Variants in GABPB1 observed in about 807,000 individuals in gnomAD.
The protein encoded by GABPB1 is GA binding protein transcription factor subunit beta 1, also known as GA-binding protein subunit beta-1.
A neutral mutation model predicts 45.9 loss-of-function variants in GABPB1; 15 were observed. That is an observed-to-expected ratio of 0.33 (90% confidence interval 0.22 to 0.50). The LOEUF is 0.50. GABPB1 is among the 20% of genes least tolerant of loss of function. The pLI, the probability that GABPB1 is intolerant of heterozygous loss-of-function variation, is 0.98. For missense variants in GABPB1, 252 were observed against 457.5 expected (o/e 0.55, Z 4.10); for synonymous variants, 143 against 154.4 (o/e 0.93, Z 0.55).
chr15:50,293,002 ATT>A (rs1002078040), intron 6 of GABPB1, among the ~76,000 whole-genome samples: 1 of 151,904 alleles, frequency 6.6e-6, no homozygotes, highest in Non-Finnish European at 1.5e-5. Flanking sequence ...TAAAAAAAAA[ATT>A]ATAACTAGTT....
At chr15:50,324,877 G>C (rs1014493498) in intron 1 of GABPB1, among the ~76,000 whole-genome samples, 9 of 151,972 alleles carry the variant, frequency 5.9e-5, no homozygotes, top group African/African-American at 2.2e-4. Context: ...CACAAGTTAA[G>C]GTTATAGTAC....
At chr15:50,289,210 G>A (rs2046264114) in intron 7 of GABPB1, among the ~76,000 whole-genome samples, 1 of 151,982 alleles carries the variant, frequency 6.6e-6, no homozygotes, top group Non-Finnish European at 1.5e-5. Flanking sequence ...AGAATACTTT[G>A]GGGCCAATTT....
intron 6 of GABPB1, among the ~76,000 whole-genome samples, chr15:50,292,935 G>C (rs1376092765): frequency 1.3e-5 from 2 of 151,612 alleles, no homozygotes; most frequent in African/African-American, 4.9e-5. Context: ...GAATACAGGT[G>C]AAAGTTATAC....
intron 1 of GABPB1, among the ~76,000 whole-genome samples, chr15:50,313,388 G>A (rs11636908): frequency 0.11 from 17,293 of 152,142 alleles, 1,339 homozygotes; most frequent in Middle Eastern, 0.17. Flanking sequence ...CAGATATGCT[G>A]ATAGTAATAT....
chr15:50,302,261 A>AAT (rs1352038698), intron 4 of GABPB1, among the ~76,000 whole-genome samples: 1 of 152,192 alleles, frequency 6.6e-6, no homozygotes, highest in Non-Finnish European at 1.5e-5. Flanking sequence ...TATGGTTGCT[A>AAT]ATATATATGT....
intron 8 of GABPB1, among the ~76,000 whole-genome samples, chr15:50,281,368 T>G (rs924350647): frequency 2.2e-5 from 3 of 138,760 alleles, no homozygotes; most frequent in African/African-American, 7.3e-5. Context: ...CACGCCACCA[T>G]GCTCAGCTAA....
At chr15:50,338,802 T>C (rs546135781) in intron 1 of GABPB1, among the ~76,000 whole-genome samples, 7 of 152,318 alleles carry the variant, frequency 4.6e-5, no homozygotes, top group African/African-American at 1.7e-4. Context: ...CAGTATAAGC[T>C]ATCTACCACG....
intron 1 of GABPB1, chr15:50,349,853 G>A (rs1443312388): frequency 6.6e-6 from 1 of 152,110 alleles, no homozygotes; most frequent in Non-Finnish European, 1.5e-5. Flanking sequence ...ATTCATTGTA[G>A]AAGTTAGAAA....
At chr15:50,278,876 C>A (rs1402897797) in intron 8 of GABPB1, 92 bp from the exon 9 acceptor site, 8 of 913,326 alleles carry the variant, frequency 8.8e-6, no homozygotes, top group South Asian at 2.2e-5. Flanking sequence ...AAAAAAAAAA[C>A]CGTAGTAGCT....
chr15:50,293,705 ACACAAGG>A (rs1371687437), intron 6 of GABPB1, among the ~76,000 whole-genome samples: 1 of 152,230 alleles, frequency 6.6e-6, no homozygotes, highest in African/African-American at 2.4e-5. Flanking sequence ...CTAAGATCAC[ACACAAGG>A]CACAATTCAA....
intron 1 of GABPB1, among the ~76,000 whole-genome samples, chr15:50,313,143 A>G (rs926614042): frequency 3.0e-4 from 46 of 152,292 alleles, no homozygotes; most frequent in African/African-American, 1.1e-3. Context: ...TACTTATTTA[A>G]AAGGTCTGAC....
intron 1 of GABPB1, among the ~76,000 whole-genome samples, chr15:50,326,587 G>A (rs1016176912): frequency 4.6e-5 from 7 of 152,146 alleles, no homozygotes; most frequent in African/African-American, 9.7e-5. Context: ...GCTAGAACCC[G>A]GAAGGCAGAG....
intron 1 of GABPB1, among the ~76,000 whole-genome samples, chr15:50,343,356 C>A (rs570295003): frequency 2.0e-5 from 3 of 152,214 alleles, no homozygotes; most frequent in South Asian, 2.1e-4. Context: ...GCTCTAGCCA[C>A]AAAAGTCAGC....
intron 6 of GABPB1, among the ~76,000 whole-genome samples, chr15:50,299,149 T>G (rs1567494848): frequency 6.6e-6 from 1 of 152,134 alleles, no homozygotes; most frequent in Non-Finnish European, 1.5e-5. Flanking sequence ...ATGTTGTTAT[T>G]ATTGATCAAA....
At chr15:50,305,704 G>A (rs1369971979) in intron 2 of GABPB1, among the ~76,000 whole-genome samples, 1 of 152,102 alleles carries the variant, frequency 6.6e-6, no homozygotes. Flanking sequence ...TTTGACATTA[G>A]GATCTACTTT....
In GABPB1 at chr15:50,277,513, G is replaced by A. The variant is rs938983496; in HGVS notation, c.*1119C>T. 8 of 151,734 alleles carry A rather than the reference G, an allele frequency of 5.3e-5. No homozygotes were observed. Among genetic ancestry groups the A allele is most frequent in the African/African-American group, 1.9e-4 (8 of 41,328 alleles). 9.4% of individuals were successfully genotyped at this position (151,734 alleles called of 1,614,324 possible). A position where few individuals can be genotyped will look rare whatever the true frequency, so the allele number is the denominator to read the frequency against. On this transcript the variant is annotated 3_prime_UTR_variant, in exon 9 of 9. Coordinates refer to ENST00000380877, the MANE Select transcript of GABPB1 (RefSeq NM_016654.5). ...GTGGAATTCAACAATATTGTGATGA[G>A]AGCAAGTCATAGCACAGACACTGAG...
chr15:50,339,963 G>C (rs2048291678), intron 1 of GABPB1, among the ~76,000 whole-genome samples: 1 of 152,094 alleles, frequency 6.6e-6, no homozygotes, highest in Non-Finnish European at 1.5e-5. Context: ...TCTATACACA[G>C]CTGGTCTCAA....
chr15:50,343,018 G>A (rs1294389788), intron 1 of GABPB1, among the ~76,000 whole-genome samples: 1 of 152,072 alleles, frequency 6.6e-6, no homozygotes, highest in Non-Finnish European at 1.5e-5. Context: ...TCCTGCCTCA[G>A]CGTCCCGAGT....
intron 1 of GABPB1, among the ~76,000 whole-genome samples, chr15:50,319,660 A>AC (rs1359658977): frequency 6.6e-6 from 1 of 151,878 alleles, no homozygotes; most frequent in Admixed American, 6.6e-5. Context: ...ACATGATGAA[A>AC]CCCCGTCTCT....
Sources: allele counts gnomAD v4.1 joint callset (sites outside exome capture counted in the v4.1 genomes callset), GRCh38; gene constraint gnomAD v4.1.1; transcripts MANE v1.5; gene names NCBI Gene and HGNC (gene_info 2026-07-23, HGNC 2026-07-21).